The following FHIT variants were observed in gnomAD, a reference collection of about 807,000 sequenced individuals.
FHIT encodes fragile histidine triad diadenosine triphosphatase, also known as bis(5'-adenosyl)-triphosphatase.
Under a neutral mutation model 17.9 loss-of-function variants are expected in FHIT, and 19 were observed. That is an observed-to-expected ratio of 1.06 (90% CI 0.74 to 1.56). The LOEUF (loss-of-function observed/expected upper bound fraction) is 1.56. FHIT is among the 40% of genes most tolerant of loss of function. FHIT has a pLI of 0.00. For missense variants in FHIT, 248 were observed against 189.2 expected, an observed-to-expected ratio of 1.31 and a Z score of -1.82; for synonymous variants, 81 against 69.7, an observed-to-expected ratio of 1.16 and a Z score of -0.81.
intron 5 of FHIT, among the ~76,000 whole-genome samples, chr3:60,144,092 A>T (rs1380557798): frequency 6.6e-6 from 1 of 152,206 alleles, no homozygotes; most frequent in East Asian, 1.9e-4. Flanking sequence ...TGCTTTATTC[A>T]AAAGATATCA....
At chr3:60,355,773 ACT>A (rs1699628568) in intron 5 of FHIT, among the ~76,000 whole-genome samples, 1 of 152,080 alleles carries the variant, frequency 6.6e-6, no homozygotes, top group South Asian at 2.1e-4. Flanking sequence ...CAACGAAGTA[ACT>A]CTTCAATTCA....
chr3:60,466,254 ATTTG>A (rs1387413040), intron 5 of FHIT, among the ~76,000 whole-genome samples: 5 of 152,026 alleles, frequency 3.3e-5, no homozygotes, highest in Non-Finnish European at 7.4e-5. Flanking sequence ...ACTGTACTCA[ATTTG>A]TTTATCAGTT....
At chr3:60,869,438 T>G (rs1461695919) in intron 3 of FHIT, among the ~76,000 whole-genome samples, 1 of 152,142 alleles carries the variant, frequency 6.6e-6, no homozygotes, top group African/African-American at 2.4e-5. Flanking sequence ...CCCCCTTCTA[T>G]CTCTGCTTCT....
intron 4 of FHIT, among the ~76,000 whole-genome samples, chr3:60,746,268 T>A (rs1382765891): frequency 1.3e-5 from 2 of 152,184 alleles, no homozygotes; most frequent in Non-Finnish European, 2.9e-5. Flanking sequence ...CAATGAGTCA[T>A]AAAAGCATCT....
At chr3:60,039,729 G>C (rs1405658751) in intron 5 of FHIT, among the ~76,000 whole-genome samples, 1 of 152,222 alleles carries the variant, frequency 6.6e-6, no homozygotes, top group Non-Finnish European at 1.5e-5. Flanking sequence ...ACACTGGGAA[G>C]ATGATGGTGG....
At chr3:60,552,489 C>T (rs1023960304) in intron 4 of FHIT, among the ~76,000 whole-genome samples, 11 of 152,176 alleles carry the variant, frequency 7.2e-5, no homozygotes, top group African/African-American at 2.7e-4. Context: ...ACCAACACCC[C>T]ACTCCCAGAT....
intron 4 of FHIT, chr3:60,765,384 A>T (rs1426529740): frequency 6.6e-6 from 1 of 152,224 alleles, no homozygotes; most frequent in African/African-American, 2.4e-5. Context: ...CTTTCAAATA[A>T]AAGTGAATAT....
intron 5 of FHIT, among the ~76,000 whole-genome samples, chr3:60,451,974 A>G (rs968979856): frequency 3.3e-5 from 5 of 152,148 alleles, no homozygotes; most frequent in Admixed American, 3.3e-4. Context: ...CCGAGCCACA[A>G]TTCAGTGGGC....
chr3:60,347,291 G>A (rs1233552437), intron 5 of FHIT, among the ~76,000 whole-genome samples: 2 of 152,120 alleles, frequency 1.3e-5, no homozygotes, highest in Admixed American at 1.3e-4. Flanking sequence ...ACAATGATGT[G>A]TTTCATAGGT....
intron 5 of FHIT, among the ~76,000 whole-genome samples, chr3:60,346,244 T>C (rs528381092): frequency 1.3e-5 from 2 of 152,326 alleles, no homozygotes; most frequent in South Asian, 4.1e-4. Flanking sequence ...CTAGAAATTC[T>C]ACCAGCTTAG....
chr3:60,420,363 T>G (rs931454230), intron 5 of FHIT, among the ~76,000 whole-genome samples: 5 of 152,150 alleles, frequency 3.3e-5, no homozygotes, highest in Non-Finnish European at 7.4e-5. Flanking sequence ...TTTGTTTTCA[T>G]TTTTTTGCCA....
intron 4 of FHIT, among the ~76,000 whole-genome samples, chr3:60,686,444 A>G (rs2040864309): frequency 6.6e-6 from 1 of 152,142 alleles, no homozygotes; most frequent in African/African-American, 2.4e-5. Flanking sequence ...TAATATTTTT[A>G]TGACCCATTC....
At chr3:60,732,152 G>C (rs1457425386) in intron 4 of FHIT, 1 of 779,256 alleles carries the variant, frequency 1.3e-6, no homozygotes, top group Non-Finnish European at 2.2e-6. Context: ...ACTTAGTAGA[G>C]CTGTCCACAG....
intron 5 of FHIT, among the ~76,000 whole-genome samples, chr3:60,189,760 A>G (rs80326575): frequency 1.9e-3 from 285 of 152,326 alleles, no homozygotes; most frequent in Middle Eastern, 6.8e-3. Flanking sequence ...TTTCATTTCA[A>G]AAGAGTTAAC....
At chr3:61,020,591 A>G (rs1430015655) in intron 3 of FHIT, among the ~76,000 whole-genome samples, 1 of 152,216 alleles carries the variant, frequency 6.6e-6, no homozygotes, top group African/African-American at 2.4e-5. Context: ...GACCATCAAC[A>G]CTATGAAAAA....
chr3:60,823,922 G>T (rs531259348), intron 3 of FHIT, among the ~76,000 whole-genome samples: 1 of 152,172 alleles, frequency 6.6e-6, no homozygotes, highest in Non-Finnish European at 1.5e-5. Context: ...TCCCAGGCAG[G>T]TGCATGTTTG....
intron 5 of FHIT, among the ~76,000 whole-genome samples, chr3:60,195,302 T>C (rs1318327344): frequency 6.6e-6 from 1 of 151,980 alleles, no homozygotes; most frequent in Non-Finnish European, 1.5e-5. Context: ...ATTTATACAC[T>C]TCTGGTGGAA....
At chr3:60,040,223 G>A (rs776443572) in intron 5 of FHIT, among the ~76,000 whole-genome samples, 17 of 151,834 alleles carry the variant, frequency 1.1e-4, no homozygotes, top group Non-Finnish European at 2.1e-4. Context: ...TCGGCTCACT[G>A]CAACCTCCGC....
At chr3:59,844,823 T>C (rs1329056279) in intron 8 of FHIT, among the ~76,000 whole-genome samples, 3 of 152,206 alleles carry the variant, frequency 2.0e-5, no homozygotes, top group African/African-American at 7.2e-5. Context: ...CTTCATAGAA[T>C]GAGGAAGTGT....
Sources: gnomAD v4.1 joint callset for allele counts (sites outside exome capture counted in the v4.1 genomes callset) on GRCh38, gnomAD v4.1.1 for gene constraint, MANE v1.5 for transcripts, NCBI Gene and HGNC (gene_info 2026-07-23, HGNC 2026-07-21) for gene names.